Variants in AGAP1 observed in about 807,000 individuals in gnomAD.
AGAP1 encodes the protein arf-GAP with GTPase, ANK repeat and PH domain-containing protein 1.
Under a neutral mutation model 105.3 loss-of-function variants are expected in AGAP1, and 29 were observed. The ratio of observed to expected loss-of-function variants is 0.28; its 90% CI spans 0.21 to 0.38. The LOEUF (loss-of-function observed/expected upper bound fraction) is 0.38. AGAP1 is among the 10% of genes least tolerant of loss of function. The probability of loss-of-function intolerance (pLI) is 1.00; values close to 1 mark genes in which losing one functional copy is unlikely to be tolerated. For synonymous variants in AGAP1, 509 were observed against 485.9 expected (o/e 1.05, Z -0.63); for missense variants, 998 against 1,165.1 (o/e 0.86, Z 2.09).
In AGAP1 at chr2:236,053,442, G is replaced by A. The variant is rs1435129269; in HGVS notation, c.2114+4161G>A. 6.6e-6 allele frequency among the ~76,000 whole-genome samples: 1 copy of A among 152,202 alleles called. No homozygotes were observed. Among genetic ancestry groups the A allele is most frequent in the East Asian group, 1.9e-4 (1 of 5,180 alleles). On this transcript the variant is annotated intron_variant, in intron 16 of 17. Coordinates refer to ENST00000304032, the MANE Select transcript of AGAP1 (RefSeq NM_001037131.3). The surrounding 1 kb of genome is among the most constrained non-coding windows in gnomAD (Gnocchi z 4.6). ...TCCACGCACATCCTCTCTCCCTCGCGGTACAGCAGTGTTTCCGGGGCTGCA... is the reference window on the plus strand; with the variant it reads ...TCCACGCACATCCTCTCTCCCTCGCAGTACAGCAGTGTTTCCGGGGCTGCA...
rs1947923869 is a variant in AGAP1 at position 235,660,807 on chromosome 2, C to T, written c.164-48372C>T. Among the ~76,000 whole-genome samples, 1 of 152,176 alleles carries T rather than the reference C, an allele frequency of 6.6e-6. No homozygotes were observed. Among genetic ancestry groups the T allele is most frequent in the Non-Finnish European group, 1.5e-5 (1 of 68,044 alleles). Reference sequence around the variant, plus strand: ...CCCATACATCATCACATCTTATTGTCGCAGCTACCGTATTGTTCTTGTCCC... The same window carrying T: ...CCCATACATCATCACATCTTATTGTTGCAGCTACCGTATTGTTCTTGTCCC... On this transcript the variant is annotated intron_variant, in intron 1 of 17. Transcript: ENST00000304032. The surrounding 1 kb of genome is among the most constrained non-coding windows in gnomAD (Gnocchi z 5.3).
At chr2:235,857,153 C>T (rs62190910) in intron 9 of AGAP1, among the ~76,000 whole-genome samples, 22,486 of 152,132 alleles carry the variant, frequency 0.15, 2,000 homozygotes, top group South Asian at 0.23. Context: ...AAGAGGTGAG[C>T]GGCGAGTGAG....
chr2:235,771,988 T>C (rs1014741244), intron 6 of AGAP1, among the ~76,000 whole-genome samples: 4 of 144,700 alleles, frequency 2.8e-5, no homozygotes, highest in Non-Finnish European at 6.1e-5. Context: ...TTTTTTTTTT[T>C]CTTTTCTTAT....
At chr2:236,067,793 G>A (rs995858275) in intron 16 of AGAP1, among the ~76,000 whole-genome samples, 1 of 152,210 alleles carries the variant, frequency 6.6e-6, no homozygotes, top group South Asian at 2.1e-4. Flanking sequence ...ACGAGGAAGA[G>A]CGAGTGTTTT....
At chr2:235,756,789 G>A (rs1250647237) in intron 6 of AGAP1, among the ~76,000 whole-genome samples, 1 of 152,132 alleles carries the variant, frequency 6.6e-6, no homozygotes, top group African/African-American at 2.4e-5. Flanking sequence ...TGAGATCTAG[G>A]TTACGCATTC....
intron 16 of AGAP1, among the ~76,000 whole-genome samples, chr2:236,070,022 G>T (rs906672717): frequency 3.3e-5 from 5 of 152,234 alleles, no homozygotes; most frequent in African/African-American, 1.2e-4. Context: ...CCACCCAAGG[G>T]CACACTGGTC....
At chr2:235,851,856 C>T (rs546235207) in intron 9 of AGAP1, among the ~76,000 whole-genome samples, 2 of 152,294 alleles carry the variant, frequency 1.3e-5, no homozygotes, top group African/African-American at 2.4e-5. Flanking sequence ...ATCTGCAGTA[C>T]GCCAGAGGTA....
At chr2:235,899,341 C>T (rs56327436) in intron 10 of AGAP1, among the ~76,000 whole-genome samples, 1,922 of 152,118 alleles carry the variant, frequency 0.013, 40 homozygotes, top group African/African-American at 0.044. Flanking sequence ...GGTGAAATGC[C>T]GTTTCTACTA....
chr2:235,930,516 G>T lies in AGAP1; in HGVS notation c.1325-249G>T, dbSNP rs369874033. 2.8e-4 allele frequency among the ~76,000 whole-genome samples: 43 copies of T among 152,280 alleles called. No homozygotes were observed. The highest frequency in any genetic ancestry group is 1.0e-3 in the African/African-American group (43 of 41,552). ...GTTGCGTCTTTGTATAGGGTTGTTC[G>T]GTGCGAGCCATCTGTGGCATCGGGT... On this transcript the variant is annotated intron_variant, in intron 11 of 17. Coordinates refer to ENST00000304032, the MANE Select transcript of AGAP1 (RefSeq NM_001037131.3). This position sits in a 1 kb window ranked among gnomAD's most constrained non-coding sequence, Gnocchi z 7.9.
chr2:236,122,277 C>T (rs1373534259), intron 17 of AGAP1, among the ~76,000 whole-genome samples: 1 of 152,148 alleles, frequency 6.6e-6, no homozygotes, highest in Non-Finnish European at 1.5e-5. Context: ...TAGATACTAA[C>T]CCTATTGTGA....
In AGAP1 at chr2:235,788,848, C is replaced by T. The variant is rs1956804868; in HGVS notation, c.674-8911C>T. Among the ~76,000 whole-genome samples the T allele has an allele frequency of 6.6e-6, 1 of 152,140 alleles. No homozygotes were observed. The highest frequency in any genetic ancestry group is 2.4e-5 in the African/African-American group (1 of 41,434). ...GGCCACACCACGTTAGGGTGCTTTTCGGCATCTCTCAGTGGGGTGAACGTT... is the reference window on the plus strand; with the variant it reads ...GGCCACACCACGTTAGGGTGCTTTTTGGCATCTCTCAGTGGGGTGAACGTT... On this transcript the variant is annotated intron_variant, in intron 6 of 17. Transcript: ENST00000304032. This position sits in a 1 kb window ranked among gnomAD's most constrained non-coding sequence, Gnocchi z 6.0.
At position 235,734,572 on chromosome 2, in the gene AGAP1, T is replaced by C. The variant is rs1194454406; in HGVS notation, c.311-6391T>C. Among the ~76,000 whole-genome samples, 1 of 151,876 alleles carries C rather than the reference T, an allele frequency of 6.6e-6. No homozygotes were observed. The highest frequency in any genetic ancestry group is 1.5e-5 in the Non-Finnish European group (1 of 67,960). On this transcript the variant is annotated intron_variant, in intron 3 of 17. Coordinates refer to ENST00000304032, the MANE Select transcript of AGAP1 (RefSeq NM_001037131.3). The surrounding 1 kb of genome is among the most constrained non-coding windows in gnomAD (Gnocchi z 5.3). ...AAAAATTAAAAACCCTTTAAAAAGA[T>C]AAAAATCAACAGTAAAAAATGAAAG...
At chr2:236,110,571 A>G (rs1432770176) in intron 16 of AGAP1, among the ~76,000 whole-genome samples, 1 of 152,116 alleles carries the variant, frequency 6.6e-6, no homozygotes, top group Non-Finnish European at 1.5e-5. Flanking sequence ...TCAAAAAATA[A>G]AAAAGCCTCA....
chr2:235,862,773 G>A (rs1007834174), intron 9 of AGAP1, among the ~76,000 whole-genome samples: 11 of 152,138 alleles, frequency 7.2e-5, no homozygotes, highest in African/African-American at 2.7e-4. Context: ...TTGAACTTCC[G>A]TAATAGATGT....
rs1217052267 is a variant in AGAP1 at position 235,741,355 on chromosome 2, A to C, written c.396+307A>C. Among the ~76,000 whole-genome samples the C allele has an allele frequency of 6.6e-6, 1 of 152,136 alleles. No homozygotes were observed. The highest frequency in any genetic ancestry group is 1.5e-5 in the Non-Finnish European group (1 of 68,038). On this transcript the variant is annotated intron_variant, in intron 4 of 17. Coordinates refer to ENST00000304032, the MANE Select transcript of AGAP1 (RefSeq NM_001037131.3). The surrounding 1 kb of genome is among the most constrained non-coding windows in gnomAD (Gnocchi z 4.9). ...AGCCCAGTTGAAATGACATCTGGAAATTTCTGTCGTTTGGTTTGTTTTTTG... is the reference window on the plus strand; with the variant it reads ...AGCCCAGTTGAAATGACATCTGGAACTTTCTGTCGTTTGGTTTGTTTTTTG...
chr2:235,571,932 TTGTGTGTGTGTG>T (rs141898525), intron 1 of AGAP1, among the ~76,000 whole-genome samples: 7 of 103,608 alleles, frequency 6.8e-5, no homozygotes, highest in Admixed American at 2.9e-4. Flanking sequence ...TGCCCACACT[TTGTGTGTGTGTG>T]TGTGTGTGTG....
chr2:235,795,347 G>A (rs1301110943), intron 6 of AGAP1, among the ~76,000 whole-genome samples: 1 of 152,190 alleles, frequency 6.6e-6, no homozygotes, highest in Non-Finnish European at 1.5e-5. Flanking sequence ...AGCAACAGCC[G>A]TTGGCAAATT....
At chr2:236,022,879 G>A (rs1164999974) in intron 13 of AGAP1, among the ~76,000 whole-genome samples, 1 of 152,162 alleles carries the variant, frequency 6.6e-6, no homozygotes, top group Non-Finnish European at 1.5e-5. Flanking sequence ...ACAAAAATGG[G>A]AGAAAATTTG....
intron 13 of AGAP1, 103 bp downstream of exon 13, chr2:235,968,726 A>ATACG: frequency 8.2e-7 from 1 of 1,222,414 alleles, no homozygotes; most frequent in Non-Finnish European, 1.1e-6. Flanking sequence ...ACAAATGCAC[A>ATACG]GTAATGCTGG....
Sources: allele counts gnomAD v4.1 joint callset (sites outside exome capture counted in the v4.1 genomes callset), GRCh38; gene constraint gnomAD v4.1.1; non-coding constraint Gnocchi (gnomAD v3.1); transcripts MANE v1.5; gene names NCBI Gene and HGNC (gene_info 2026-07-23, HGNC 2026-07-21).